The following NSRP1 variants were observed in gnomAD, a reference collection of about 807,000 sequenced individuals.
NSRP1 encodes nuclear speckle splicing regulatory protein 1, also known as coiled-coil domain containing 55.
In NSRP1, 24 loss-of-function variants were observed where a neutral mutation model predicts 54.7. The ratio of observed to expected loss-of-function variants is 0.44; its 90% CI spans 0.32 to 0.62. The LOEUF is 0.62. Ranked by LOEUF, NSRP1 falls within the 20% of genes least tolerant of loss-of-function variation. The probability of loss-of-function intolerance (pLI) is 0.06; values close to 1 mark genes in which losing one functional copy is unlikely to be tolerated. For missense variants in NSRP1, 596 were observed against 651.2 expected (o/e 0.92, Z 0.92); for synonymous variants, 210 against 213.8 (o/e 0.98, Z 0.15).
At chr17:30,124,324 G>C (rs1429013110) in intron 2 of NSRP1, among the ~76,000 whole-genome samples, 1 of 152,180 alleles carries the variant, frequency 6.6e-6, no homozygotes, top group Admixed American at 6.5e-5. Context: ...AGAAGGATGG[G>C]TTTACACAAG....
chr17:30,146,426 G>A (rs186337184), intron 2 of NSRP1, among the ~76,000 whole-genome samples: 1 of 152,222 alleles, frequency 6.6e-6, no homozygotes, highest in Admixed American at 6.5e-5. Context: ...ACAGGGTCTT[G>A]CTATCTTGCC....
At chr17:30,177,126 TG>T (rs1218627653) in intron 3 of NSRP1, among the ~76,000 whole-genome samples, 1 of 152,040 alleles carries the variant, frequency 6.6e-6, no homozygotes, top group African/African-American at 2.4e-5. Context: ...TCCAGCACTT[TG>T]GGGGGCGCTG....
chr17:30,121,373 G>A (rs999480519), intron 2 of NSRP1, among the ~76,000 whole-genome samples: 3 of 151,214 alleles, frequency 2.0e-5, no homozygotes, highest in Non-Finnish European at 4.4e-5. Context: ...GGGGAAAAAT[G>A]TGAGCGATAC....
At chr17:30,172,485 A>T in intron 2 of NSRP1, 57 bp from the exon 3 acceptor site, 1 of 1,422,568 alleles carries the variant, frequency 7.0e-7, no homozygotes, top group Non-Finnish European at 9.7e-7. Flanking sequence ...GGACGCTCGT[A>T]CTGGAAAAGA....
At chr17:30,141,811 C>A (rs180705291) in intron 2 of NSRP1, among the ~76,000 whole-genome samples, 269 of 152,102 alleles carry the variant, frequency 1.8e-3, no homozygotes, top group African/African-American at 6.1e-3. Flanking sequence ...AAGACCAGCC[C>A]GGGCAATGTG....
chr17:30,145,334 C>CA (rs2071844284), intron 2 of NSRP1, among the ~76,000 whole-genome samples: 1 of 152,084 alleles, frequency 6.6e-6, no homozygotes, highest in Non-Finnish European at 1.5e-5. Context: ...TCTCTAATCC[C>CA]AGCACTTTGG....
At chr17:30,121,475 T>A (rs1377746364) in intron 2 of NSRP1, among the ~76,000 whole-genome samples, 1 of 149,592 alleles carries the variant, frequency 6.7e-6, no homozygotes, top group Non-Finnish European at 1.5e-5. Flanking sequence ...TTTTTGGTCA[T>A]CATTTTCCCT....
intron 2 of NSRP1, among the ~76,000 whole-genome samples, chr17:30,145,102 G>A (rs1021688697): frequency 2.0e-5 from 3 of 151,962 alleles, no homozygotes; most frequent in Admixed American, 1.3e-4. Context: ...CAGCATATAC[G>A]TCTACTGTAT....
At chr17:30,119,011 G>A (rs2071572355) in intron 2 of NSRP1, among the ~76,000 whole-genome samples, 1 of 152,004 alleles carries the variant, frequency 6.6e-6, no homozygotes, top group Non-Finnish European at 1.5e-5. Context: ...GCTTCCCAAA[G>A]TGCTGGGATT....
intron 3 of NSRP1, 83 bp from the exon 4 acceptor site, chr17:30,177,988 A>T: frequency 7.1e-7 from 1 of 1,409,354 alleles, no homozygotes. Context: ...TTTTCAATTT[A>T]TGAACCATTC....
chr17:30,121,118 G>T (rs902533820), intron 2 of NSRP1, among the ~76,000 whole-genome samples: 1 of 152,154 alleles, frequency 6.6e-6, no homozygotes, highest in African/African-American at 2.4e-5. Flanking sequence ...TTGCAGATAC[G>T]GTTGTAACAG....
chr17:30,185,205 G>C lies in NSRP1; in HGVS notation c.1208G>C (p.Arg403Pro). 6.4e-7 allele frequency: 1 copy of C among 1,572,570 alleles called. No homozygotes were observed. The highest frequency in any genetic ancestry group is 8.6e-7 in the Non-Finnish European group (1 of 1,158,808). Residue 403 changes from arginine (R) to proline (P), a missense_variant, in exon 7 of 7, where the codon CGA (arginine) becomes CCA (proline). Arg to Pro is a moderately radical substitution (Grantham distance 103). Transcript: ENST00000247026. ...ERDRQQNDQN[R>P]PSEKGEKEEK... ...GATAGACAACAAAATGATCAGAACC[G>C]ACCCAGTGAGAAAGGAGAGAAGGAA...
chr17:30,150,689 T>C (rs938329954), intron 2 of NSRP1: 1 of 126,842 alleles, frequency 7.9e-6, no homozygotes, highest in Admixed American at 7.9e-5. Flanking sequence ...TGTTGGTTTT[T>C]TTTTTTTTTT....
chr17:30,174,849 A>T lies in NSRP1; in HGVS notation c.171+2251A>T, dbSNP rs1468412210. Among the ~76,000 whole-genome samples the T allele has an allele frequency of 2.0e-5, 3 of 152,340 alleles. No homozygotes were observed. In the East Asian group the frequency reaches 5.8e-4, roughly 29 times the overall value. On this transcript the variant is annotated intron_variant, in intron 3 of 6. Transcript: ENST00000247026. ...AAGCATAAAATGTTATCATTTTCATATATTGTTGCATTTGGCTTACTAAAG... is the reference window on the plus strand; with the variant it reads ...AAGCATAAAATGTTATCATTTTCATTTATTGTTGCATTTGGCTTACTAAAG...
intron 2 of NSRP1, chr17:30,150,232 C>G: frequency 6.6e-6 from 1 of 151,928 alleles, no homozygotes; most frequent in Non-Finnish European, 1.5e-5. Context: ...AGGCAGGCAC[C>G]ACCATGCCTG....
chr17:30,156,795 AG>A (rs1167302164), intron 2 of NSRP1: 1 of 152,326 alleles, frequency 6.6e-6, no homozygotes, highest in Non-Finnish European at 1.5e-5. Context: ...CTGAGATTAC[AG>A]GTGTGAGCCA....
At chr17:30,127,152 T>C (rs1207401398) in intron 2 of NSRP1, among the ~76,000 whole-genome samples, 1 of 152,238 alleles carries the variant, frequency 6.6e-6, no homozygotes, top group Non-Finnish European at 1.5e-5. Flanking sequence ...TGTATGATTG[T>C]TCTCAAAAGT....
At chr17:30,123,026 C>T (rs998475504) in intron 2 of NSRP1, among the ~76,000 whole-genome samples, 2 of 149,158 alleles carry the variant, frequency 1.3e-5, no homozygotes, top group Admixed American at 6.6e-5. Context: ...CTCAAGCAAT[C>T]CTCCTGCCTC....
At chr17:30,183,612 C>T (rs1905394690) in intron 6 of NSRP1, among the ~76,000 whole-genome samples, 1 of 152,128 alleles carries the variant, frequency 6.6e-6, no homozygotes. Flanking sequence ...AAAGTTGTTG[C>T]ACCATTAGTG....
Sources: gnomAD v4.1 joint callset for allele counts (sites outside exome capture counted in the v4.1 genomes callset) on GRCh38, gnomAD v4.1.1 for gene constraint, MANE v1.5 for transcripts, NCBI Gene and HGNC (gene_info 2026-07-23, HGNC 2026-07-21) for gene names.